MACF1: variants seen among roughly 807,000 people sequenced by gnomAD.
The protein encoded by MACF1 is microtubule-actin cross-linking factor 1.
Under a neutral mutation model 854.8 loss-of-function variants are expected in MACF1, and 193 were observed. That is an observed-to-expected ratio of 0.23 (90% CI 0.20 to 0.25). The LOEUF (loss-of-function observed/expected upper bound fraction) is 0.25. Among genes scored for constraint, MACF1 ranks in the 10% least tolerant of loss-of-function variants. The pLI is 1.00. For synonymous variants in MACF1, 3,185 were observed against 3,226.7 expected (o/e 0.99, Z 0.44); for missense variants, 7,722 against 8,929.1 (o/e 0.86, Z 5.45).
At chr1:39,308,571 G>A (rs2148430918) in intron 23 of MACF1, among the ~76,000 whole-genome samples, 1 of 152,140 alleles carries the variant, frequency 6.6e-6, no homozygotes, top group South Asian at 2.1e-4. Context: ...GTGTATTTGT[G>A]TATTTGTAAG....
In MACF1 at chr1:39,433,526, A is replaced by G. The variant is rs114614681; in HGVS notation, c.17565+371A>G. 3.0e-3 allele frequency among the ~76,000 whole-genome samples: 462 copies of G among 152,334 alleles called. 1 individual carries two copies. The highest frequency in any genetic ancestry group is 5.6e-3 in the Non-Finnish European group (378 of 68,034). On this transcript the variant is annotated intron_variant, in intron 68 of 100. Coordinates refer to ENST00000564288, the MANE Select transcript of MACF1 (RefSeq NM_001394062.1). Reference sequence around the variant, plus strand: ...TATATCCTTCTAAAAGGTCGTACCTAGTTTTAAAAGGATTGGTCAAGATGG... The same window carrying G: ...TATATCCTTCTAAAAGGTCGTACCTGGTTTTAAAAGGATTGGTCAAGATGG...
intron 2 of MACF1, among the ~76,000 whole-genome samples, chr1:39,249,586 G>C (rs1461827336): frequency 6.6e-6 from 1 of 152,148 alleles, no homozygotes; most frequent in African/African-American, 2.4e-5. Context: ...ATACACCCCA[G>C]GAAACACTGG....
At chr1:39,144,300 CGAACTCCT>C (rs1251011215) in intron 2 of MACF1, among the ~76,000 whole-genome samples, 1 of 151,678 alleles carries the variant, frequency 6.6e-6, no homozygotes, top group African/African-American at 2.4e-5. Flanking sequence ...AGGCTGGTCC[CGAACTCCT>C]GACCTCAGGT....
Position 39,333,780 on chromosome 1 carries a change from G to A in MACF1, c.7192G>A (p.Ala2398Thr). ...AGTTGGACTTCTTGACAAGGAAACA[G>A]CCACCAGAATTTTAGAGAGGCAGGT... is the stretch of plus-strand genomic sequence containing the variant. ...VTVGLLDKET[A>T]TRILERQVVT... The change falls in exon 37 of 101, where the codon GCC (alanine) becomes ACC (threonine). Residue 2398 changes from alanine to threonine, a missense_variant. Around this residue, in one of 15 missense-constraint regions of MACF1, gnomAD observed 1,531 missense variants for 1,601.6 expected, o/e 0.96. Coordinates refer to ENST00000564288, the MANE Select transcript of MACF1 (RefSeq NM_001394062.1). 2.5e-6 allele frequency: 4 copies of A among 1,614,208 alleles called. No individual in the cohort carries two copies. The highest frequency in any genetic ancestry group is 3.4e-6 in the Non-Finnish European group (4 of 1,180,028).
chr1:39,242,689 C>T (rs1232081712), intron 2 of MACF1, among the ~76,000 whole-genome samples: 4 of 149,094 alleles, frequency 2.7e-5, no homozygotes, highest in African/African-American at 5.0e-5. Flanking sequence ...GAGCTGTGAT[C>T]GCGCCACTGC....
At chr1:39,317,523 G>A in intron 29 of MACF1, 116 bp downstream of exon 29, 3 of 1,190,176 alleles carry the variant, frequency 2.5e-6, no homozygotes, top group Non-Finnish European at 1.2e-6. Context: ...GGGAGGGGTG[G>A]AAATTTAAAA....
chr1:39,439,659 G>A (rs1429178381), intron 72 of MACF1, among the ~76,000 whole-genome samples, 159 bp downstream of exon 72: 1 of 152,246 alleles, frequency 6.6e-6, no homozygotes, highest in African/African-American at 2.4e-5. Context: ...AGGCTGGAGT[G>A]CAATGGCATG....
chr1:39,130,374 T>G (rs1421031907), intron 2 of MACF1, among the ~76,000 whole-genome samples: 1 of 152,224 alleles, frequency 6.6e-6, no homozygotes, highest in Non-Finnish European at 1.5e-5. Flanking sequence ...TGTAGTCACA[T>G]TAAACATTGA....
intron 2 of MACF1, among the ~76,000 whole-genome samples, chr1:39,166,366 C>T (rs1445565354): frequency 6.6e-6 from 1 of 152,036 alleles, no homozygotes; most frequent in South Asian, 2.1e-4. Flanking sequence ...CCATGCCCTA[C>T]TGGCACTAGA....
At chr1:39,238,804 T>C (rs556267019) in intron 2 of MACF1, among the ~76,000 whole-genome samples, 2 of 152,372 alleles carry the variant, frequency 1.3e-5, no homozygotes, top group East Asian at 3.9e-4. Flanking sequence ...TTTGCTCATC[T>C]TGGGATATTT....
At chr1:39,440,111 C>CTTTTCTTTTTTTTTTTTTTTTTTTTTTTT (rs1553414036) in intron 72 of MACF1, among the ~76,000 whole-genome samples, 3 of 64,568 alleles carry the variant, frequency 4.6e-5, no homozygotes, top group African/African-American at 2.0e-4. Context: ...CTTTTCTTTT[C>CTTTTCTTTTTTTTTTTTTTTTTTTTTTTT]TTTTTTTTTT....
chr1:39,285,817 C>T, intron 14 of MACF1, 59 bp downstream of exon 14: 1 of 1,580,620 alleles, frequency 6.3e-7, no homozygotes, highest in Non-Finnish European at 8.7e-7. Context: ...GCTCATGGAT[C>T]AAGAGTAGAG....
In MACF1 at chr1:39,199,143, G is replaced by A. The variant is rs531756586; in HGVS notation, c.221-32039G>A. On this transcript the variant is annotated intron_variant, in intron 2 of 93. Coordinates refer to the MACF1 transcript ENST00000361689. ...TGGGACTACAGGCGCCCACCACCACGGCTGGCTAATTTTTTGTATTTTTAG... is the reference window on the plus strand; with the variant it reads ...TGGGACTACAGGCGCCCACCACCACAGCTGGCTAATTTTTTGTATTTTTAG... Among the ~76,000 whole-genome samples, 6 of 151,674 alleles carry A rather than the reference G, an allele frequency of 4.0e-5. No individual in the cohort carries two copies. The South Asian group carries it at 6.3e-4, about 16-fold the overall frequency.
intron 83 of MACF1, 79 bp downstream of exon 83, chr1:39,448,231 G>A (rs1644266616): frequency 6.7e-7 from 1 of 1,493,194 alleles, no homozygotes; most frequent in East Asian, 2.3e-5. Context: ...AAAAATCAGA[G>A]CTAGTAAAAA....
At chr1:39,425,834 T>C (rs1643708095) in intron 61 of MACF1, among the ~76,000 whole-genome samples, 1 of 152,216 alleles carries the variant, frequency 6.6e-6, no homozygotes, top group Non-Finnish European at 1.5e-5. Flanking sequence ...CTTACCTTCC[T>C]GGTCCATAAA....
intron 1 of MACF1, among the ~76,000 whole-genome samples, chr1:39,209,650 A>G (rs72661927): frequency 0.16 from 24,284 of 152,140 alleles, 2,410 homozygotes; most frequent in Middle Eastern, 0.22. Flanking sequence ...TTTTTTATTT[A>G]AAGCAGTTCC....
At chr1:39,378,618 C>T (rs1443662033) in intron 53 of MACF1, 95 bp downstream of exon 53, 1 of 1,226,148 alleles carries the variant, frequency 8.2e-7, no homozygotes, top group East Asian at 2.4e-5. Flanking sequence ...GGTGGAAGAA[C>T]TGCTGCCAGA....
intron 1 of MACF1, among the ~76,000 whole-genome samples, chr1:39,205,369 T>A (rs1644438579): frequency 6.6e-6 from 1 of 152,154 alleles, no homozygotes; most frequent in Non-Finnish European, 1.5e-5. Flanking sequence ...TGGAGAGTGC[T>A]GGTTAGATGA....
chr1:39,249,512 A>G (rs539704525), intron 2 of MACF1, among the ~76,000 whole-genome samples: 1 of 152,356 alleles, frequency 6.6e-6, no homozygotes, highest in East Asian at 1.9e-4. Context: ...AATTTCCCAC[A>G]AAGAAAATTA....
Sources: allele counts gnomAD v4.1 joint callset (sites outside exome capture counted in the v4.1 genomes callset), GRCh38; gene constraint gnomAD v4.1.1; regional missense constraint gnomAD v4.1.1; transcripts MANE v1.5; gene names NCBI Gene and HGNC (gene_info 2026-07-23, HGNC 2026-07-21).